The following ABCA5 variants were observed in gnomAD, a reference collection of about 807,000 sequenced individuals.
ABCA5 encodes the protein cholesterol transporter ABCA5.
A neutral mutation model predicts 206.0 loss-of-function variants in ABCA5; 163 were observed. The observed-to-expected ratio is 0.79, with a 90% CI of 0.70 to 0.90. The LOEUF (loss-of-function observed/expected upper bound fraction) is 0.90. Ranked by LOEUF, ABCA5 falls within the 40% of genes least tolerant of loss-of-function variation. The probability of loss-of-function intolerance (pLI) is 0.00; values close to 1 mark genes in which losing one functional copy is unlikely to be tolerated. For synonymous variants in ABCA5, 609 were observed against 613.8 expected (o/e 0.99, Z 0.11); for missense variants, 1,859 against 1,912.9 (o/e 0.97, Z 0.53).
At chr17:69,255,881 G>A in intron 29 of ABCA5, 31 bp from the exon 30 acceptor site, 3 of 1,486,792 alleles carry the variant, frequency 2.0e-6, no homozygotes, top group Non-Finnish European at 2.7e-6. Context: ...TAAAAAGAAA[G>A]TTATAAAACT....
At chr17:69,264,226 T>C (rs1433089489) in intron 24 of ABCA5, among the ~76,000 whole-genome samples, 1 of 152,194 alleles carries the variant, frequency 6.6e-6, no homozygotes, top group Non-Finnish European at 1.5e-5. Flanking sequence ...ACCAATGTTT[T>C]GTAGTTCTCC....
At chr17:69,288,111 T>C (rs1356066956) in intron 14 of ABCA5, among the ~76,000 whole-genome samples, 3 of 152,168 alleles carry the variant, frequency 2.0e-5, no homozygotes, top group South Asian at 4.1e-4. Flanking sequence ...GGTTTTATAG[T>C]AGTTCAAGGG....
intron 1 of ABCA5, chr17:69,325,626 G>T (rs1238742498): frequency 2.0e-5 from 3 of 152,162 alleles, no homozygotes; most frequent in African/African-American, 7.2e-5. Context: ...TATCTGGAAT[G>T]TAAAAGACAT....
chr17:69,278,185 C>T (rs1472867563), intron 18 of ABCA5, among the ~76,000 whole-genome samples: 1 of 152,014 alleles, frequency 6.6e-6, no homozygotes. Flanking sequence ...AACAACATGG[C>T]TGAACTTCAC....
At chr17:69,313,521 T>C (rs889756057) in intron 2 of ABCA5, among the ~76,000 whole-genome samples, 2 of 152,134 alleles carry the variant, frequency 1.3e-5, no homozygotes, top group Non-Finnish European at 2.9e-5. Context: ...TACTGAAATA[T>C]TTTAAAATTC....
intron 2 of ABCA5, among the ~76,000 whole-genome samples, chr17:69,313,940 T>G (rs2075792988): frequency 6.6e-6 from 1 of 152,168 alleles, no homozygotes; most frequent in Admixed American, 6.5e-5. Flanking sequence ...TGTGTCATAA[T>G]ATTAATACTC....
In ABCA5 at chr17:69,284,084, A is replaced by C. The variant is rs113812582; in HGVS notation, c.2273-12T>G. The C allele has an allele frequency of 0.056, 86,281 of 1,534,814 alleles. 2,807 individuals are homozygous for C. The highest frequency in any genetic ancestry group is 0.065 in the Non-Finnish European group (74,897 of 1,144,960). On this transcript the variant is annotated splice_polypyrimidine_tract_variant and intron_variant, in intron 17 of 38. Coordinates refer to ENST00000392676, the MANE Select transcript of ABCA5 (RefSeq NM_172232.4). ...GGCAGAAAACAAACCTAAAAGAAAAAAATGAAAGAATAGTATATCTTTAAG... is the reference window on the plus strand; with the variant it reads ...GGCAGAAAACAAACCTAAAAGAAAACAATGAAAGAATAGTATATCTTTAAG...
intron 27 of ABCA5, 94 bp from the exon 28 acceptor site, chr17:69,259,891 C>G: frequency 1.6e-6 from 1 of 613,636 alleles, no homozygotes; most frequent in Non-Finnish European, 2.7e-6. Flanking sequence ...CTACATACAT[C>G]AAGTTCCTTG....
chr17:69,248,374 C>G (rs1042088444), intron 37 of ABCA5, 57 bp from the exon 38 acceptor site: 2 of 1,028,994 alleles, frequency 1.9e-6, no homozygotes, highest in Non-Finnish European at 2.9e-6. Flanking sequence ...AATGGCAATA[C>G]CTACCAAAGT....
intron 17 of ABCA5, among the ~76,000 whole-genome samples, chr17:69,285,070 T>C (rs1480251060): frequency 2.0e-5 from 3 of 152,244 alleles, no homozygotes; most frequent in African/African-American, 7.2e-5. Flanking sequence ...CTTAAATCTT[T>C]TTATGTCTCA....
intron 18 of ABCA5, among the ~76,000 whole-genome samples, chr17:69,281,694 T>C (rs2075395411): frequency 6.6e-6 from 1 of 152,212 alleles, no homozygotes; most frequent in African/African-American, 2.4e-5. Context: ...TTAGCAATGC[T>C]GACAAATTAT....
At chr17:69,276,620 C>T (rs1259330236) in intron 19 of ABCA5, among the ~76,000 whole-genome samples, 1 of 152,040 alleles carries the variant, frequency 6.6e-6, no homozygotes, top group African/African-American at 2.4e-5. Context: ...CACATGGACA[C>T]AAGGAGGGGA....
At position 69,286,234 on chromosome 17, in the gene ABCA5, CGATCCCCCATTTACTTTTGAG is replaced by C. The variant is rs779888404; in HGVS notation, c.2098_2118del (p.Leu700_Ile706del). The C allele has an allele frequency of 9.4e-6, 15 of 1,602,358 alleles. No individual in the cohort carries two copies. Among genetic ancestry groups the C allele is most frequent in the Admixed American group, 7.1e-5 (4 of 56,394 alleles). On this transcript the variant is annotated inframe_deletion, in exon 16 of 39. Transcript: ENST00000392676. ...AATGAATGATACCTCAGGCGGTAGC[CGATCCCCCATTTACTTTTGAG>C]GAACATTGAAGAACCAACACATTTC...
intron 18 of ABCA5, among the ~76,000 whole-genome samples, chr17:69,282,721 G>A (rs1218604757): frequency 4.7e-5 from 7 of 149,912 alleles, no homozygotes; most frequent in African/African-American, 7.4e-5. Context: ...GCAGTGAGCC[G>A]GGATGGTGCC....
At position 69,287,654 on chromosome 17, in the gene ABCA5, A is replaced by G; in HGVS notation, c.2000T>C (p.Val667Ala). ...LKYRKANRVT[V>A]FSTHFMDEAD... ...TTCATCCATGAAATGAGTACTGAAC[A>G]CTGTCACCCGATTGGCTTTTCTGTA... is the stretch of plus-strand genomic sequence containing the variant. The change falls in exon 15 of 39, where the codon GTG becomes GCG. Residue 667 changes from valine (V) to alanine (A), a missense_variant. Transcript: ENST00000392676. 1.2e-6 allele frequency: 2 copies of G among 1,613,898 alleles called. No individual in the cohort carries two copies. Among genetic ancestry groups the G allele is most frequent in the Non-Finnish European group, 1.7e-6 (2 of 1,179,858 alleles).
intron 1 of ABCA5, chr17:69,325,868 C>T (rs2075893928): frequency 6.6e-6 from 1 of 152,108 alleles, no homozygotes; most frequent in African/African-American, 2.4e-5. Flanking sequence ...AATAAATTTG[C>T]TCTTATAGTG....
intron 23 of ABCA5, among the ~76,000 whole-genome samples, chr17:69,265,451 T>C (rs2075197379): frequency 6.6e-6 from 1 of 152,134 alleles, no homozygotes; most frequent in Non-Finnish European, 1.5e-5. Context: ...TAAGGTGTTA[T>C]TTACGTCACA....
At chr17:69,260,985 G>T in intron 26 of ABCA5, 140 bp downstream of exon 26, 2 of 650,248 alleles carry the variant, frequency 3.1e-6, no homozygotes, top group Non-Finnish European at 5.0e-6. Flanking sequence ...AATAATTTAT[G>T]CTGCATTAAT....
In ABCA5 at chr17:69,311,438, GCAT is replaced by G. The variant is rs537044890; in HGVS notation, c.307+1651_307+1653del. Among the ~76,000 whole-genome samples, 125 of 152,096 alleles carry G rather than the reference GCAT, an allele frequency of 8.2e-4. 1 individual carries two copies. The South Asian group carries it at 0.011, about 13-fold the overall frequency. ...TTGTGTATATGTATACACTATTTTG[GCAT>G]CTAATACACACTGACTTAGTTGTTT... On this transcript the variant is annotated intron_variant, in intron 3 of 38. Transcript: ENST00000392676.
Sources: gnomAD v4.1 joint callset for allele counts (sites outside exome capture counted in the v4.1 genomes callset) on GRCh38, gnomAD v4.1.1 for gene constraint, MANE v1.5 for transcripts, NCBI Gene and HGNC (gene_info 2026-07-23, HGNC 2026-07-21) for gene names.